SEMA6D: variants seen among roughly 807,000 people sequenced by gnomAD.
The protein encoded by SEMA6D is semaphorin-6D.
A neutral mutation model predicts 106.6 loss-of-function variants in SEMA6D; 35 were observed. That is an observed-to-expected ratio of 0.33 (90% CI 0.25 to 0.44). SEMA6D has a LOEUF of 0.44. Ranked by LOEUF, SEMA6D falls within the 20% of genes least tolerant of loss-of-function variation. The pLI is 1.00. For missense variants in SEMA6D, 1,185 were observed against 1,345.9 expected (o/e 0.88, Z 1.87); for synonymous variants, 499 against 487.7 (o/e 1.02, Z -0.31).
At chr15:47,620,709 T>TATATAC (rs1555400160) in intron 4 of SEMA6D, among the ~76,000 whole-genome samples, 58 of 132,228 alleles carry the variant, frequency 4.4e-4, no homozygotes, top group Middle Eastern at 3.9e-3. Context: ...TATATATATA[T>TATATAC]ACACACATAT....
chr15:47,482,261 A>G (rs2043173499), intron 3 of SEMA6D, among the ~76,000 whole-genome samples: 1 of 152,200 alleles, frequency 6.6e-6, no homozygotes, highest in Non-Finnish European at 1.5e-5. Context: ...AATCTTTTAT[A>G]TTAAAGATAG....
At position 47,232,964 on chromosome 15, in the gene SEMA6D, G is replaced by GTT. The variant is rs2032305497; in HGVS notation, c.-239+48550_-239+48551dup. The stretch of plus-strand genomic sequence containing the variant: ...TTACTATGAAGTTAAACTTGGTAAT[G>GTT]TTTTTGTTTGCTGATTGTATGTTTG... On this transcript the variant is annotated intron_variant, in intron 1 of 19. Transcript: ENST00000558014. 2.6e-5 allele frequency among the ~76,000 whole-genome samples: 4 copies of GTT among 151,860 alleles called. No homozygotes were observed. In the South Asian group the frequency reaches 8.3e-4, roughly 31 times the overall value.
chr15:47,759,581 C>T, intron 1 of SEMA6D, 164 bp from the exon 2 acceptor site: 1 of 571,980 alleles, frequency 1.7e-6, no homozygotes, highest in South Asian at 2.1e-5. Context: ...GGCATGTTGC[C>T]ATCTTTTGCC....
chr15:47,766,194 T>C lies in SEMA6D; in HGVS notation c.1646+12T>C, dbSNP rs777826238. On this transcript the variant is annotated intron_variant, in intron 15 of 18. Transcript: ENST00000536845. ...ACCCCAGGGATGCTGTAAGTATACT[T>C]TGTCACATGAGCTAGGATGAACTAT... The C allele has an allele frequency of 6.2e-7, 1 of 1,609,520 alleles. No individual in the cohort carries two copies. Among genetic ancestry groups the C allele is most frequent in the South Asian group, 1.1e-5 (1 of 90,858 alleles).
At chr15:47,322,447 A>G (rs1191783445) in intron 1 of SEMA6D, among the ~76,000 whole-genome samples, 4 of 152,052 alleles carry the variant, frequency 2.6e-5, no homozygotes, top group Admixed American at 6.6e-5. Flanking sequence ...ATTTTGTACA[A>G]TATCTATCAA....
At chr15:47,352,676 C>G (rs1203360945) in intron 1 of SEMA6D, among the ~76,000 whole-genome samples, 1 of 152,178 alleles carries the variant, frequency 6.6e-6, no homozygotes, top group African/African-American at 2.4e-5. Flanking sequence ...TAGCCACCTC[C>G]AGTTCATGAG....
At chr15:47,517,297 T>C (rs2044420194) in intron 3 of SEMA6D, among the ~76,000 whole-genome samples, 1 of 152,132 alleles carries the variant, frequency 6.6e-6, no homozygotes, top group African/African-American at 2.4e-5. Context: ...TTAGATCATA[T>C]ATTCTCAGAC....
At chr15:47,329,394 C>G (rs561637286) in intron 1 of SEMA6D, among the ~76,000 whole-genome samples, 1 of 152,244 alleles carries the variant, frequency 6.6e-6, no homozygotes, top group Admixed American at 6.5e-5. Flanking sequence ...TTGTGGTGAT[C>G]CTGTATGTAC....
intron 2 of SEMA6D, among the ~76,000 whole-genome samples, chr15:47,426,768 A>C (rs556988524): frequency 6.6e-6 from 1 of 152,328 alleles, no homozygotes; most frequent in Non-Finnish European, 1.5e-5. Flanking sequence ...AATGCTAGAA[A>C]GGACTAGTTT....
intron 3 of SEMA6D, among the ~76,000 whole-genome samples, chr15:47,497,226 A>T (rs1165855263): frequency 1.3e-5 from 2 of 152,016 alleles, no homozygotes; most frequent in East Asian, 3.9e-4. Context: ...TGCTTCTGCC[A>T]GCCTCTTCCT....
At chr15:47,376,656 C>G (rs2039459250) in intron 1 of SEMA6D, among the ~76,000 whole-genome samples, 3 of 152,228 alleles carry the variant, frequency 2.0e-5, no homozygotes, top group Admixed American at 6.5e-5. Context: ...ATAAACAACT[C>G]TACCCAGACA....
chr15:47,242,608 A>T (rs1261420573), intron 1 of SEMA6D, among the ~76,000 whole-genome samples: 1 of 152,210 alleles, frequency 6.6e-6, no homozygotes, highest in Non-Finnish European at 1.5e-5. Flanking sequence ...TCTGCAAAAA[A>T]CAGATATTGC....
chr15:47,508,483 C>A (rs1477783517), intron 3 of SEMA6D, among the ~76,000 whole-genome samples: 1 of 152,120 alleles, frequency 6.6e-6, no homozygotes, highest in Non-Finnish European at 1.5e-5. Flanking sequence ...CTGTGTCCTG[C>A]CCACATATGT....
chr15:47,386,006 A>G (rs2039826334), intron 1 of SEMA6D, among the ~76,000 whole-genome samples: 1 of 152,196 alleles, frequency 6.6e-6, no homozygotes, highest in Non-Finnish European at 1.5e-5. Context: ...TCTTCTCTGT[A>G]AAATAGATTT....
intron 3 of SEMA6D, among the ~76,000 whole-genome samples, chr15:47,503,671 G>T (rs1257299819): frequency 7.0e-6 from 1 of 143,364 alleles, no homozygotes; most frequent in Non-Finnish European, 1.5e-5. Context: ...ACATGCAGGG[G>T]TGCTCTCTCT....
In SEMA6D at chr15:47,340,819, G is replaced by T. The variant is rs534710382; in HGVS notation, c.-238-71574G>T. Among the ~76,000 whole-genome samples the T allele has an allele frequency of 2.6e-5, 4 of 152,250 alleles. No individual in the cohort carries two copies. In the South Asian group the frequency reaches 8.3e-4, roughly 32 times the overall value. ...CCACCCTCACTCTGTCCTTTCTGAG[G>T]TCCTGGTGTTTCCTGATGAAATTCT... On this transcript the variant is annotated intron_variant, in intron 1 of 19. Transcript: ENST00000558014.
Position 47,294,503 on chromosome 15 carries a change from T to A in SEMA6D, c.-239+110085T>A, listed in dbSNP as rs941929454. ...TCCCAAAGTATTGGGATTACAGGTCTGAGCCACGGTGCCCAGCCTTTAATC... is the reference window on the plus strand; with the variant it reads ...TCCCAAAGTATTGGGATTACAGGTCAGAGCCACGGTGCCCAGCCTTTAATC... On this transcript the variant is annotated intron_variant, in intron 1 of 19. Coordinates refer to the SEMA6D transcript ENST00000558014. Among the ~76,000 whole-genome samples the A allele has an allele frequency of 3.3e-5, 5 of 152,224 alleles. 1 individual carries two copies. The highest frequency in any genetic ancestry group is 1.3e-4 in the Admixed American group (2 of 15,280).
intron 1 of SEMA6D, among the ~76,000 whole-genome samples, chr15:47,738,398 C>T (rs566828380): frequency 1.3e-5 from 2 of 152,168 alleles, no homozygotes; most frequent in South Asian, 4.2e-4. Context: ...TCCAGTGTAC[C>T]ATTGATGGGC....
At chr15:47,636,559 C>T (rs918642365) in intron 4 of SEMA6D, among the ~76,000 whole-genome samples, 3 of 152,154 alleles carry the variant, frequency 2.0e-5, no homozygotes, top group African/African-American at 7.2e-5. Context: ...CAAGATGCCC[C>T]ACCCCTGAGA....
Sources: allele counts gnomAD v4.1 joint callset (sites outside exome capture counted in the v4.1 genomes callset), GRCh38; gene constraint gnomAD v4.1.1; transcripts MANE v1.5; gene names NCBI Gene and HGNC (gene_info 2026-07-23, HGNC 2026-07-21).